Variants in XRCC5 observed in about 807,000 individuals in gnomAD.
XRCC5 encodes the protein X-ray repair cross complementing 5.
In XRCC5, 12 loss-of-function variants were observed where a neutral mutation model predicts 95.7. The observed-to-expected ratio is 0.13, with a 90% CI of 0.08 to 0.20. The LOEUF is 0.20. Among genes scored for constraint, XRCC5 ranks in the 10% least tolerant of loss-of-function variants. XRCC5 has a pLI of 1.00. For synonymous variants in XRCC5, 281 were observed against 290.3 expected (o/e 0.97, Z 0.33); for missense variants, 595 against 873.9 (o/e 0.68, Z 4.02).
At chr2:216,137,323 C>A in intron 11 of XRCC5, 98 bp downstream of exon 11, 2 of 1,371,738 alleles carry the variant, frequency 1.5e-6, no homozygotes, top group Non-Finnish European at 1.9e-6. Context: ...ACTTGGGGAT[C>A]TTGTTAAAAT....
intron 1 of XRCC5, among the ~76,000 whole-genome samples, chr2:216,109,713 C>T (rs1003243658): frequency 2.0e-5 from 3 of 151,610 alleles, no homozygotes; most frequent in African/African-American, 7.3e-5. Flanking sequence ...CCTCTTCTCC[C>T]TCTCTACCTG....
At chr2:216,192,396 G>C (rs1689630108) in intron 17 of XRCC5, among the ~76,000 whole-genome samples, 1 of 152,098 alleles carries the variant, frequency 6.6e-6, no homozygotes, top group South Asian at 2.1e-4. Context: ...AAAAACAAAG[G>C]GCTAGGCCAC....
At chr2:216,187,821 A>ACACACTCT (rs1312215177) in intron 16 of XRCC5, among the ~76,000 whole-genome samples, 9 of 47,968 alleles carry the variant, frequency 1.9e-4, no homozygotes, top group Non-Finnish European at 2.9e-4. Flanking sequence ...ACACACACAC[A>ACACACTCT]CTCTCTCTCT....
chr2:216,191,192 A>G (rs7588730), intron 17 of XRCC5, among the ~76,000 whole-genome samples: 4,622 of 152,270 alleles, frequency 0.03, 232 homozygotes, highest in African/African-American at 0.11. Context: ...GATTTGGTTC[A>G]ATGGAAAGAG....
intron 5 of XRCC5, 135 bp downstream of exon 5, chr2:216,119,300 C>T: frequency 1.1e-6 from 1 of 901,380 alleles, no homozygotes; most frequent in Non-Finnish European, 1.7e-6. Flanking sequence ...AGATGACTGA[C>T]TACTCAGCAA....
At chr2:216,175,441 C>G (rs566355154) in intron 16 of XRCC5, 1 of 518,514 alleles carries the variant, frequency 1.9e-6, no homozygotes, top group African/African-American at 1.9e-5. Context: ...TTAGAAAGGG[C>G]CTTTTTCACT....
chr2:216,192,559 AACTTT>A (rs1689634205), intron 17 of XRCC5, 75 bp from the exon 18 acceptor site: 1 of 936,064 alleles, frequency 1.1e-6, no homozygotes, highest in Non-Finnish European at 1.6e-6. Flanking sequence ...ATTCAGACCA[AACTTT>A]GTTTGGTCTG....
chr2:216,122,369 T>A, intron 6 of XRCC5, 116 bp downstream of exon 6: 1 of 964,770 alleles, frequency 1.0e-6, no homozygotes, highest in South Asian at 1.8e-5. Flanking sequence ...TAGTCATTGC[T>A]TAATATTCTG....
At chr2:216,126,394 G>C (rs1205838577) in intron 7 of XRCC5, among the ~76,000 whole-genome samples, 2 of 152,272 alleles carry the variant, frequency 1.3e-5, no homozygotes, top group South Asian at 2.1e-4. Flanking sequence ...CCAAAGTTAA[G>C]TTCAGTTTTG....
chr2:216,116,772 G>T lies in XRCC5; in HGVS notation c.249G>T (p.Leu83=). Residue 83 remains leucine (L), a synonymous_variant, in exon 3 of 21, where the codon CTG becomes CTT. Coordinates refer to ENST00000392132, the MANE Select transcript of XRCC5 (RefSeq NM_021141.4). The part of the protein sequence containing the change: ...QYQNITVHRH[L]MLPDFDLLED... ...AGAACATCACAGTGCACAGACATCT[G>T]ATGCTACCAGATTTTGATTTGCTGG... The T allele has an allele frequency of 6.2e-7, 1 of 1,614,172 alleles. No homozygotes were observed. Among genetic ancestry groups the T allele is most frequent in the African/African-American group, 1.3e-5 (1 of 75,034 alleles).
intron 19 of XRCC5, 67 bp downstream of exon 19, chr2:216,195,053 C>T: frequency 6.1e-6 from 9 of 1,483,212 alleles, no homozygotes; most frequent in South Asian, 4.6e-5. Flanking sequence ...TTGATACCCT[C>T]GAAGAAGTTA....
chr2:216,163,322 C>CT (rs1266880647), intron 16 of XRCC5, among the ~76,000 whole-genome samples: 3 of 151,054 alleles, frequency 2.0e-5, no homozygotes, highest in East Asian at 1.9e-4. Flanking sequence ...TTTTCTTTTT[C>CT]TTTTTTTTGG....
At chr2:216,170,506 GA>G (rs1689141518) in intron 16 of XRCC5, among the ~76,000 whole-genome samples, 1 of 152,016 alleles carries the variant, frequency 6.6e-6, no homozygotes, top group Non-Finnish European at 1.5e-5. Context: ...GAGAGAGAGA[GA>G]GACACTTTTA....
intron 16 of XRCC5, among the ~76,000 whole-genome samples, chr2:216,187,213 G>A (rs1251309025): frequency 1.3e-5 from 2 of 152,074 alleles, no homozygotes; most frequent in Non-Finnish European, 2.9e-5. Context: ...CTGTGTTTCT[G>A]AACCCTCTGG....
At chr2:216,187,861 T>TCTCTCTCTCTCTCTCCC (rs143232624) in intron 16 of XRCC5, among the ~76,000 whole-genome samples, 51 of 116,264 alleles carry the variant, frequency 4.4e-4, no homozygotes, top group African/African-American at 2.1e-3. Context: ...TCTCTCTCTC[T>TCTCTCTCTCTCTCTCCC]CCCCGTCTCC....
Position 216,111,791 on chromosome 2 carries a change from A to G in XRCC5, c.22-1225A>G, listed in dbSNP as rs555541566. 7.2e-4 allele frequency among the ~76,000 whole-genome samples: 110 copies of G among 152,252 alleles called. 1 individual carries two copies. The highest frequency in any genetic ancestry group is 1.3e-3 in the Non-Finnish European group (91 of 68,010). On this transcript the variant is annotated intron_variant, in intron 1 of 20. Coordinates refer to ENST00000392132, the MANE Select transcript of XRCC5 (RefSeq NM_021141.4). The stretch of plus-strand genomic sequence containing the variant: ...ATGTGAACTCCAGAAAGGACCTTAA[A>G]CCTCATCTAGTCCAACAGTTTCCTA...
chr2:216,118,681 A>G (rs371761180), intron 4 of XRCC5, among the ~76,000 whole-genome samples: 45 of 152,326 alleles, frequency 3.0e-4, no homozygotes, highest in African/African-American at 1.1e-3. Context: ...GAGTCAGAGC[A>G]GGATATTTAG....
chr2:216,122,370 T>A, intron 6 of XRCC5, 117 bp downstream of exon 6: 1 of 953,892 alleles, frequency 1.0e-6, no homozygotes, highest in Non-Finnish European at 1.5e-6. Context: ...AGTCATTGCT[T>A]AATATTCTGA....
At chr2:216,154,082 T>G (rs1013380101) in intron 14 of XRCC5, among the ~76,000 whole-genome samples, 3 of 152,232 alleles carry the variant, frequency 2.0e-5, no homozygotes, top group African/African-American at 7.2e-5. Context: ...AATCTAACGC[T>G]TTCACTTAAG....
Sources: gnomAD v4.1 joint callset for allele counts (sites outside exome capture counted in the v4.1 genomes callset) on GRCh38, gnomAD v4.1.1 for gene constraint, MANE v1.5 for transcripts, NCBI Gene and HGNC (gene_info 2026-07-23, HGNC 2026-07-21) for gene names.